SCHIP1: variants seen among roughly 807,000 people sequenced by gnomAD.
SCHIP1 encodes schwannomin interacting protein 1.
Under a neutral mutation model 29.7 loss-of-function variants are expected in SCHIP1, and 8 were observed. The observed-to-expected ratio is 0.27, with a 90% confidence interval of 0.16 to 0.49. The LOEUF is 0.49. SCHIP1 is among the 20% of genes least tolerant of loss of function. The pLI, the probability that SCHIP1 is intolerant of heterozygous loss-of-function variation, is 0.99. For missense variants in SCHIP1, 193 were observed against 294.6 expected (o/e 0.66, Z 2.52); for synonymous variants, 76 against 94.9 (o/e 0.80, Z 1.16).
chr3:159,418,317 T>G, the SCHIP1 span, among the ~76,000 whole-genome samples: 2 of 152,160 alleles, frequency 1.3e-5, no homozygotes, highest in South Asian at 4.1e-4. Flanking sequence ...CAGATAGATA[T>G]CTATCTAGAT....
chr3:159,738,899 G>A, the SCHIP1 span, among the ~76,000 whole-genome samples: 6 of 152,284 alleles, frequency 3.9e-5, no homozygotes, highest in South Asian at 2.1e-4. Flanking sequence ...AACATGGGTC[G>A]GTCTGGGAAT....
chr3:159,402,354 A>C, the SCHIP1 span, among the ~76,000 whole-genome samples: 2 of 152,212 alleles, frequency 1.3e-5, no homozygotes, highest in African/African-American at 4.8e-5. Flanking sequence ...TAGTTCAAGC[A>C]TTGTGGAAGT....
At chr3:159,335,519 G>A in the SCHIP1 span, among the ~76,000 whole-genome samples, 16 of 152,174 alleles carry the variant, frequency 1.1e-4, no homozygotes, top group South Asian at 2.3e-3. Context: ...ACAGGCCCTG[G>A]TGTGGGATGT....
At chr3:159,439,548 A>G in the SCHIP1 span, among the ~76,000 whole-genome samples, 1 of 152,120 alleles carries the variant, frequency 6.6e-6, no homozygotes, top group African/African-American at 2.4e-5. Flanking sequence ...GGGAATTACA[A>G]TTCAAGAAGA....
the SCHIP1 span, among the ~76,000 whole-genome samples, chr3:159,700,137 T>C: frequency 6.6e-6 from 1 of 152,222 alleles, no homozygotes; most frequent in Non-Finnish European, 1.5e-5. Flanking sequence ...CCAGACACAA[T>C]TGGCTCTTAT....
chr3:159,598,943 A>T, the SCHIP1 span, among the ~76,000 whole-genome samples: 1 of 152,112 alleles, frequency 6.6e-6, no homozygotes, highest in Non-Finnish European at 1.5e-5. Flanking sequence ...TTATATAATG[A>T]CATGATTACA....
the SCHIP1 span, among the ~76,000 whole-genome samples, chr3:159,782,504 GA>G: frequency 1.3e-5 from 2 of 152,138 alleles, no homozygotes; most frequent in Non-Finnish European, 2.9e-5. Flanking sequence ...TTCTATATAA[GA>G]TTTTTTCATA....
chr3:159,542,933 G>A, the SCHIP1 span, among the ~76,000 whole-genome samples: 2,331 of 151,878 alleles, frequency 0.015, 67 homozygotes, highest in African/African-American at 0.053. Flanking sequence ...AGGTGTCTGG[G>A]GATCTTTTCC....
chr3:159,821,366 C>T, the SCHIP1 span, among the ~76,000 whole-genome samples: 9 of 152,082 alleles, frequency 5.9e-5, no homozygotes, highest in African/African-American at 1.7e-4. Context: ...CAGGCAGTGC[C>T]GAGGGCGCTC....
At chr3:159,471,724 T>G in the SCHIP1 span, among the ~76,000 whole-genome samples, 2 of 152,084 alleles carry the variant, frequency 1.3e-5, no homozygotes, top group Non-Finnish European at 2.9e-5. Context: ...AATATACTAA[T>G]TGGGCAAAGG....
the SCHIP1 span, among the ~76,000 whole-genome samples, chr3:159,782,751 G>T: frequency 6.6e-6 from 1 of 152,214 alleles, no homozygotes; most frequent in Non-Finnish European, 1.5e-5. Context: ...TTCAATGTGC[G>T]CTGCTCTCTT....
At chr3:159,390,481 C>T in the SCHIP1 span, among the ~76,000 whole-genome samples, 1 of 151,800 alleles carries the variant, frequency 6.6e-6, no homozygotes, top group African/African-American at 2.4e-5. Flanking sequence ...TCCTTCAACA[C>T]AGATCTAAGA....
chr3:159,782,303 G>T, the SCHIP1 span, among the ~76,000 whole-genome samples: 1 of 152,158 alleles, frequency 6.6e-6, no homozygotes, highest in East Asian at 1.9e-4. Flanking sequence ...TGAAGCTTAT[G>T]GTGGAATCAC....
the SCHIP1 span, among the ~76,000 whole-genome samples, chr3:159,811,622 C>T: frequency 5.9e-5 from 9 of 152,196 alleles, no homozygotes; most frequent in African/African-American, 2.2e-4. Flanking sequence ...TCTAGACTCT[C>T]AATTCTGTTC....
the SCHIP1 span, among the ~76,000 whole-genome samples, chr3:159,675,256 T>C: frequency 6.6e-6 from 1 of 152,218 alleles, no homozygotes; most frequent in Non-Finnish European, 1.5e-5. Context: ...GAAAATCCCA[T>C]GTTTGCTATG....
chr3:159,887,790 G>T, exon 4 of SCHIP1: 1 of 1,614,014 alleles, frequency 6.2e-7, no homozygotes, highest in Non-Finnish European at 8.5e-7. Context: ...TTCCTTACAA[G>T]GCAAAAGAAA....
chr3:159,813,735 A>C, the SCHIP1 span, among the ~76,000 whole-genome samples: 1 of 152,146 alleles, frequency 6.6e-6, no homozygotes, highest in Non-Finnish European at 1.5e-5. Flanking sequence ...CAGGCTCCAA[A>C]TCTCTTACTC....
chr3:159,370,347 C>CTTAA, the SCHIP1 span, among the ~76,000 whole-genome samples: 1 of 152,188 alleles, frequency 6.6e-6, no homozygotes, highest in Non-Finnish European at 1.5e-5. Flanking sequence ...TCTATACTTG[C>CTTAA]TTAATTCCTT....
the SCHIP1 span, among the ~76,000 whole-genome samples, chr3:159,586,275 G>A: frequency 9.2e-5 from 14 of 152,284 alleles, no homozygotes; most frequent in Non-Finnish European, 1.8e-4. Context: ...ACCAGCAGGG[G>A]AGCAAAGGTT....
Sources: gnomAD v4.1 joint callset for allele counts (sites outside exome capture counted in the v4.1 genomes callset) on GRCh38, gnomAD v4.1.1 for gene constraint, MANE v1.5 for transcripts, NCBI Gene and HGNC (gene_info 2026-07-23, HGNC 2026-07-21) for gene names.